GRIP2: variants seen among roughly 807,000 people sequenced by gnomAD.
GRIP2 encodes glutamate receptor-interacting protein 2.
GRIP2 carries 58 observed loss-of-function variants against 108.3 expected under a neutral mutation model. The observed-to-expected ratio is 0.54, with a 90% confidence interval of 0.43 to 0.67. The LOEUF (loss-of-function observed/expected upper bound fraction) is 0.67, where lower values mean the gene tolerates loss of function less well. Among genes scored for constraint, GRIP2 ranks in the 30% least tolerant of loss-of-function variants. The probability of loss-of-function intolerance (pLI) is 0.00; values close to 1 mark genes in which losing one functional copy is unlikely to be tolerated. For missense variants in GRIP2, 1,278 were observed against 1,430.6 expected (o/e 0.89, Z 1.72); for synonymous variants, 586 against 598.2 (o/e 0.98, Z 0.30).
At chr3:14,518,208 A>G (rs1424641750) in intron 9 of GRIP2, among the ~76,000 whole-genome samples, 1 of 152,194 alleles carries the variant, frequency 6.6e-6, no homozygotes, top group East Asian at 1.9e-4. Flanking sequence ...GGAGAGGTCT[A>G]TGGCTATGAG....
chr3:14,598,478 G>A, the GRIP2 span, among the ~76,000 whole-genome samples: 2 of 149,536 alleles, frequency 1.3e-5, no homozygotes, highest in African/African-American at 4.9e-5. Context: ...AAAGCCTTTG[G>A]TTAACTACGT....
At position 14,523,045 on chromosome 3, in the gene GRIP2, C is replaced by T. The variant is rs372928485; in HGVS notation, c.521G>A (p.Arg174His). The change falls in exon 6 of 24, where the codon CGC becomes CAC. Residue 174 changes from arginine (R) to histidine (H), a missense_variant. By Grantham distance (29) the Arg-to-His change is conservative. Coordinates refer to ENST00000621039, the MANE Select transcript of GRIP2 (RefSeq NM_001080423.4). ...GGAHEDGHKS[R>H]PLVLTYVRPG... ...CCGCACGTAGGTCAGGACAAGCGGGCGGGACTTGTGCCCATCTTCATGGGC... is the reference window on the plus strand; with the variant it reads ...CCGCACGTAGGTCAGGACAAGCGGGTGGGACTTGTGCCCATCTTCATGGGC... 3.1e-6 allele frequency: 5 copies of T among 1,612,112 alleles called. No homozygotes were observed. The highest frequency in any genetic ancestry group is 2.7e-5 in the African/African-American group (2 of 74,882).
intron 1 of GRIP2, among the ~76,000 whole-genome samples, chr3:14,552,910 A>G (rs1402258855): frequency 6.6e-6 from 1 of 151,770 alleles, no homozygotes; most frequent in African/African-American, 2.4e-5. Flanking sequence ...ATCCTATTCT[A>G]ATACTCGAAG....
intron 1 of GRIP2, among the ~76,000 whole-genome samples, chr3:14,547,773 T>G (rs1405753299): frequency 6.6e-6 from 1 of 152,058 alleles, no homozygotes; most frequent in African/African-American, 2.4e-5. Flanking sequence ...TGGAAATAAA[T>G]GGACAAAGCT....
chr3:14,494,456 A>G (rs1262784767), intron 23 of GRIP2, among the ~76,000 whole-genome samples: 1 of 152,270 alleles, frequency 6.6e-6, no homozygotes, highest in Admixed American at 6.5e-5. Flanking sequence ...GGTTTGGTCC[A>G]TCGGCTGTGA....
chr3:14,554,456 G>A (rs1330244227), intron 1 of GRIP2, among the ~76,000 whole-genome samples: 2 of 152,144 alleles, frequency 1.3e-5, no homozygotes, highest in Non-Finnish European at 1.5e-5. Context: ...AATGGGGGAG[G>A]GAGTGTCTCC....
the GRIP2 span, among the ~76,000 whole-genome samples, chr3:14,577,558 T>C: frequency 6.6e-6 from 1 of 152,206 alleles, no homozygotes; most frequent in African/African-American, 2.4e-5. Flanking sequence ...TGCCTTAACC[T>C]GGAAGGTCCT....
At chr3:14,502,111 G>C (rs1415439662) in intron 21 of GRIP2, among the ~76,000 whole-genome samples, 1 of 152,098 alleles carries the variant, frequency 6.6e-6, no homozygotes. Flanking sequence ...AATATAAATA[G>C]ACTAAATTCA....
upstream of GRIP2, among the ~76,000 whole-genome samples, chr3:14,544,791 C>A (rs1369605946): frequency 6.6e-6 from 1 of 152,194 alleles, no homozygotes; most frequent in Non-Finnish European, 1.5e-5. Flanking sequence ...CATTATCGTA[C>A]CCATTTTATA....
At chr3:14,553,273 A>G (rs552526476) in intron 1 of GRIP2, among the ~76,000 whole-genome samples, 1 of 151,654 alleles carries the variant, frequency 6.6e-6, no homozygotes, top group Non-Finnish European at 1.5e-5. Context: ...ACGTTCAGCT[A>G]ATTTTTGTAT....
intron 20 of GRIP2, among the ~76,000 whole-genome samples, chr3:14,504,154 C>T (rs549106574): frequency 4.6e-5 from 7 of 152,264 alleles, no homozygotes; most frequent in African/African-American, 1.7e-4. Flanking sequence ...CCACCCATAA[C>T]TCCCATCACA....
the GRIP2 span, among the ~76,000 whole-genome samples, chr3:14,572,438 C>T: frequency 3.3e-5 from 5 of 150,728 alleles, no homozygotes; most frequent in East Asian, 9.8e-4. Flanking sequence ...CGGTGAAACC[C>T]CGTCTCTACT....
At chr3:14,567,298 A>T in the GRIP2 span, among the ~76,000 whole-genome samples, 1 of 152,156 alleles carries the variant, frequency 6.6e-6, no homozygotes, top group Non-Finnish European at 1.5e-5. Flanking sequence ...CAGGCCCCTA[A>T]GACGAATCTT....
the GRIP2 span, among the ~76,000 whole-genome samples, chr3:14,589,121 T>TG: frequency 6.6e-6 from 1 of 152,216 alleles, no homozygotes; most frequent in African/African-American, 2.4e-5. Context: ...ACAGCCTTCT[T>TG]GGGGAGCCAT....
At position 14,513,695 on chromosome 3, in the gene GRIP2, C is replaced by G; in HGVS notation, c.1609G>C (p.Val537Leu). Residue 537 changes from valine to leucine, a missense_variant, in exon 13 of 24, where the codon GTC becomes CTC. Coordinates refer to ENST00000621039, the MANE Select transcript of GRIP2 (RefSeq NM_001080423.4). ...LLRDAALAHK[V>L]VLEVEFDVAE... Reference sequence around the variant, plus strand: ...ACATCGAACTCCACCTCCAGCACGACCTTGTGGGCCAGTGCGGCGTCCCGC... The same window carrying G: ...ACATCGAACTCCACCTCCAGCACGAGCTTGTGGGCCAGTGCGGCGTCCCGC... 1 of 1,610,912 alleles carries G rather than the reference C, an allele frequency of 6.2e-7. No homozygotes were observed. Among genetic ancestry groups the G allele is most frequent in the Non-Finnish European group, 8.5e-7 (1 of 1,178,754 alleles).
chr3:14,557,530 C>T (rs181686587), upstream of GRIP2, among the ~76,000 whole-genome samples: 318 of 152,360 alleles, frequency 2.1e-3, 1 homozygote, highest in African/African-American at 7.3e-3. Flanking sequence ...GGCTCCTTTA[C>T]ACAGACTCTG....
chr3:14,522,991 T>C lies in GRIP2; in HGVS notation c.566+9A>G, dbSNP rs1694455330. ...GTGCAGTGTGTGGATTTCTTCTGCC[T>C]CGGCTCACCTGTCGGCAGGGCCACC... On this transcript the variant is annotated intron_variant, in intron 6 of 23. Coordinates refer to ENST00000621039, the MANE Select transcript of GRIP2 (RefSeq NM_001080423.4). This position sits in a 1 kb window ranked among gnomAD's most constrained non-coding sequence, Gnocchi z 4.3. The C allele has an allele frequency of 6.2e-7, 1 of 1,613,234 alleles. No individual in the cohort carries two copies. The highest frequency in any genetic ancestry group is 1.1e-5 in the South Asian group (1 of 91,062).
intron 21 of GRIP2, among the ~76,000 whole-genome samples, chr3:14,497,182 G>A (rs1453660067): frequency 1.3e-5 from 2 of 152,098 alleles, no homozygotes; most frequent in African/African-American, 4.8e-5. Context: ...GATCAGGCTG[G>A]TTTCGAACTC....
the GRIP2 span, among the ~76,000 whole-genome samples, chr3:14,591,980 T>C: frequency 6.6e-6 from 1 of 152,248 alleles, no homozygotes; most frequent in East Asian, 1.9e-4. Flanking sequence ...TCTAGGACCT[T>C]GTCTATCTAC....
Sources: allele counts gnomAD v4.1 joint callset (sites outside exome capture counted in the v4.1 genomes callset), GRCh38; gene constraint gnomAD v4.1.1; non-coding constraint Gnocchi (gnomAD v3.1); transcripts MANE v1.5; gene names NCBI Gene and HGNC (gene_info 2026-07-23, HGNC 2026-07-21).